GALNT18: variants seen among roughly 807,000 people sequenced by gnomAD.
The protein encoded by GALNT18 is polypeptide N-acetylgalactosaminyltransferase 18, also known as GalNAc-transferase 18.
In GALNT18, 44 loss-of-function variants were observed where a neutral mutation model predicts 69.5. That is an observed-to-expected ratio of 0.63 (90% CI 0.50 to 0.81). The LOEUF is 0.81. Among genes scored for constraint, GALNT18 ranks in the 40% least tolerant of loss-of-function variants. The pLI, the probability that GALNT18 is intolerant of heterozygous loss-of-function variation, is 0.00. For missense variants in GALNT18, 715 were observed against 810.0 expected (o/e 0.88, Z 1.42); for synonymous variants, 364 against 318.2 (o/e 1.14, Z -1.53).
Position 11,449,897 on chromosome 11 carries a change from A to G in GALNT18, c.236-961T>C, listed in dbSNP as rs554576841. Among the ~76,000 whole-genome samples, 5 of 152,386 alleles carry G rather than the reference A, an allele frequency of 3.3e-5. No homozygotes were observed. In the South Asian group the frequency reaches 8.3e-4, roughly 25 times the overall value. On this transcript the variant is annotated intron_variant, in intron 1 of 10. Transcript: ENST00000227756. ...TCAGTTTATGTCTCAGAACAAGTGC[A>G]CAGCCAATGGCAATTAGGGTTATTA...
intron 3 of GALNT18, among the ~76,000 whole-genome samples, chr11:11,424,541 A>G (rs1855083226): frequency 6.6e-6 from 1 of 152,208 alleles, no homozygotes; most frequent in African/African-American, 2.4e-5. Context: ...CAAAATTGAC[A>G]GAATGACTAC....
intron 1 of GALNT18, among the ~76,000 whole-genome samples, chr11:11,488,311 C>T (rs1016006139): frequency 1.3e-4 from 20 of 152,258 alleles, no homozygotes; most frequent in Admixed American, 1.3e-3. Flanking sequence ...ATAAGCTTCC[C>T]GCATTCCTTG....
At chr11:11,306,400 A>T (rs965133213) in intron 9 of GALNT18, among the ~76,000 whole-genome samples, 3 of 152,188 alleles carry the variant, frequency 2.0e-5, no homozygotes. Context: ...CCCAGAAAAA[A>T]AAATGGAGTT....
At chr11:11,329,625 G>C (rs999930558) in intron 8 of GALNT18, among the ~76,000 whole-genome samples, 1 of 152,214 alleles carries the variant, frequency 6.6e-6, no homozygotes, top group Non-Finnish European at 1.5e-5. Context: ...GCACTTAGCA[G>C]GTTGCATTCT....
rs922704887 is a variant in GALNT18, at chr11:11,383,132, A to G, written c.596-3868T>C. 3.3e-5 allele frequency among the ~76,000 whole-genome samples: 5 copies of G among 152,174 alleles called. No homozygotes were observed. The highest frequency in any genetic ancestry group is 1.3e-4 in the Admixed American group (2 of 15,282). On this transcript the variant is annotated intron_variant, in intron 3 of 10. Transcript: ENST00000227756. This position sits in a 1 kb window ranked among gnomAD's most constrained non-coding sequence, Gnocchi z 5.2. ...AAACACCACTCACTCCTGGGAGGTC[A>G]CAGGCCACTCTCCACATCCCCACGG...
At chr11:11,492,541 T>C (rs1184022988) in intron 1 of GALNT18, among the ~76,000 whole-genome samples, 1 of 152,208 alleles carries the variant, frequency 6.6e-6, no homozygotes, top group African/African-American at 2.4e-5. Flanking sequence ...ATGTGGTACA[T>C]ATATGCCATG....
intron 10 of GALNT18, among the ~76,000 whole-genome samples, chr11:11,280,905 T>G (rs1255114079): frequency 6.6e-6 from 1 of 152,176 alleles, no homozygotes; most frequent in Non-Finnish European, 1.5e-5. Context: ...CCCAGAGGCA[T>G]CCCCTGTGCC....
At chr11:11,280,751 A>AG (rs1421028877) in intron 10 of GALNT18, among the ~76,000 whole-genome samples, 1 of 152,158 alleles carries the variant, frequency 6.6e-6, no homozygotes, top group Admixed American at 6.5e-5. Flanking sequence ...ACTGGACAAG[A>AG]GGCCCCTTCA....
rs563792868 is a variant in GALNT18, at chr11:11,620,587, G to T, written c.235+772C>A. Among the ~76,000 whole-genome samples the T allele has an allele frequency of 1.3e-5, 2 of 152,158 alleles. No individual in the cohort carries two copies. The highest frequency in any genetic ancestry group is 1.3e-4 in the Admixed American group (2 of 15,284). ...CTACAGTAGGGATCGGCCTTCACCCGGTCCCGGGCGGCTCCGCGGGGAAGG... is the reference window on the plus strand; with the variant it reads ...CTACAGTAGGGATCGGCCTTCACCCTGTCCCGGGCGGCTCCGCGGGGAAGG... On this transcript the variant is annotated intron_variant, in intron 1 of 10. Coordinates refer to ENST00000227756, the MANE Select transcript of GALNT18 (RefSeq NM_198516.3). The surrounding 1 kb of genome is among the most constrained non-coding windows in gnomAD (Gnocchi z 6.9).
intron 1 of GALNT18, among the ~76,000 whole-genome samples, chr11:11,567,170 G>A (rs1331935801): frequency 6.6e-6 from 1 of 152,176 alleles, no homozygotes; most frequent in African/African-American, 2.4e-5. Context: ...TCTGATCAAA[G>A]GCCACCTGGA....
chr11:11,438,657 A>G (rs1855464300), intron 2 of GALNT18, among the ~76,000 whole-genome samples: 1 of 152,160 alleles, frequency 6.6e-6, no homozygotes, highest in Non-Finnish European at 1.5e-5. Context: ...GATGGTTTCT[A>G]TATCTTCCTT....
intron 9 of GALNT18, among the ~76,000 whole-genome samples, chr11:11,296,252 G>A (rs61872395): frequency 0.25 from 38,146 of 152,046 alleles, 5,203 homozygotes; most frequent in East Asian, 0.35. Flanking sequence ...AAGTGCCCCT[G>A]CTTCTTGTAC....
At position 11,517,702 on chromosome 11, in the gene GALNT18, C is replaced by T. The variant is rs541275145; in HGVS notation, c.236-68766G>A. 4.6e-5 allele frequency among the ~76,000 whole-genome samples: 7 copies of T among 152,186 alleles called. No individual in the cohort carries two copies. In the South Asian group the frequency reaches 1.2e-3, roughly 27 times the overall value. On this transcript the variant is annotated intron_variant, in intron 1 of 10. Transcript: ENST00000227756. ...CATAGATGAGGCCGCAGAAACAGGG[C>T]CCCTGCCACAGTGCTCAGTCCCGGT...
Position 11,387,743 on chromosome 11 carries a change from T to G in GALNT18, c.596-8479A>C, listed in dbSNP as rs1251903438. 6.6e-6 allele frequency among the ~76,000 whole-genome samples: 1 copy of G among 152,192 alleles called. No homozygotes were observed. Among genetic ancestry groups the G allele is most frequent in the African/African-American group, 2.4e-5 (1 of 41,454 alleles). On this transcript the variant is annotated intron_variant, in intron 3 of 10. Coordinates refer to ENST00000227756, the MANE Select transcript of GALNT18 (RefSeq NM_198516.3). This position sits in a 1 kb window ranked among gnomAD's most constrained non-coding sequence, Gnocchi z 4.6. ...GCTAAAAATTAAATAAAGACAGATGTCACCGTCCGCACCTCCATGGAGAAT... is the reference window on the plus strand; with the variant it reads ...GCTAAAAATTAAATAAAGACAGATGGCACCGTCCGCACCTCCATGGAGAAT...
intron 3 of GALNT18, among the ~76,000 whole-genome samples, chr11:11,381,703 A>G (rs2133696182): frequency 6.6e-6 from 1 of 152,248 alleles, no homozygotes; most frequent in Non-Finnish European, 1.5e-5. Context: ...CCCAGTCATT[A>G]GGCCACCCCA....
chr11:11,563,457 C>A lies in GALNT18; in HGVS notation c.235+57902G>T, dbSNP rs886122527. On this transcript the variant is annotated intron_variant, in intron 1 of 10. Transcript: ENST00000227756. This position sits in a 1 kb window ranked among gnomAD's most constrained non-coding sequence, Gnocchi z 4.6. Reference sequence around the variant, plus strand: ...CAGCTGGGAGTCTCACCATGAAGGGCCCCACAAGTAGTTTCCAACTTGTGA... The same window carrying A: ...CAGCTGGGAGTCTCACCATGAAGGGACCCACAAGTAGTTTCCAACTTGTGA... Among the ~76,000 whole-genome samples, 3 of 152,174 alleles carry A rather than the reference C, an allele frequency of 2.0e-5. No homozygotes were observed. The highest frequency in any genetic ancestry group is 4.4e-5 in the Non-Finnish European group (3 of 68,042).
In GALNT18 at chr11:11,273,791, C is replaced by G. The variant is rs189546712; in HGVS notation, c.1678-2501G>C. On this transcript the variant is annotated intron_variant, in intron 10 of 10. Coordinates refer to ENST00000227756, the MANE Select transcript of GALNT18 (RefSeq NM_198516.3). ...GCAATAGACAACATATGGAATCAAC[C>G]TAAGTATCCATCAATAGGTTAATGA... Among the ~76,000 whole-genome samples, 238 of 152,224 alleles carry G rather than the reference C, an allele frequency of 1.6e-3. 1 individual carries two copies. The highest frequency in any genetic ancestry group is 5.5e-3 in the African/African-American group (229 of 41,512).
Position 11,480,481 on chromosome 11 carries a change from T to G in GALNT18, c.236-31545A>C, listed in dbSNP as rs761247724. ...TAGTGGTTTCTCTTATCTCTCACAC[T>G]GCCTTCTGAGCTGCAGTGGTCCATG... On this transcript the variant is annotated intron_variant, in intron 1 of 10. Transcript: ENST00000227756. The surrounding 1 kb of genome is among the most constrained non-coding windows in gnomAD (Gnocchi z 4.6). Among the ~76,000 whole-genome samples, 2 of 152,220 alleles carry G rather than the reference T, an allele frequency of 1.3e-5. No homozygotes were observed. Among genetic ancestry groups the G allele is most frequent in the African/African-American group, 4.8e-5 (2 of 41,460 alleles).
At chr11:11,425,798 C>A (rs1411951119) in intron 3 of GALNT18, among the ~76,000 whole-genome samples, 2 of 152,174 alleles carry the variant, frequency 1.3e-5, no homozygotes, top group African/African-American at 2.4e-5. Flanking sequence ...GCACTCAGCA[C>A]AAAACACGTG....
Sources: allele counts gnomAD v4.1 joint callset (sites outside exome capture counted in the v4.1 genomes callset), GRCh38; gene constraint gnomAD v4.1.1; non-coding constraint Gnocchi (gnomAD v3.1); transcripts MANE v1.5; gene names NCBI Gene and HGNC (gene_info 2026-07-23, HGNC 2026-07-21).